Variants in NFASC observed in about 807,000 individuals in gnomAD.
NFASC encodes the protein neurofascin.
Under a neutral mutation model 147.5 loss-of-function variants are expected in NFASC, and 43 were observed. That is an observed-to-expected ratio of 0.29 (90% CI 0.23 to 0.38). The LOEUF is 0.38. NFASC is among the 10% of genes least tolerant of loss of function. NFASC has a pLI of 1.00. For synonymous variants in NFASC, 622 were observed against 665.5 expected (o/e 0.93, Z 1.01); for missense variants, 1,320 against 1,689.0 (o/e 0.78, Z 3.83).
In NFASC at chr1:204,927,676, C is replaced by G. The variant is rs147964682; in HGVS notation, c.-91+6936C>G. On this transcript the variant is annotated intron_variant, in intron 2 of 29. Transcript: ENST00000339876. ...ATCTTGGGTCCCCACCCTTAGGGACCTGTCACACAAGATTATCACTCCCCA... is the reference window on the plus strand; with the variant it reads ...ATCTTGGGTCCCCACCCTTAGGGACGTGTCACACAAGATTATCACTCCCCA... Among the ~76,000 whole-genome samples, 1,511 of 152,250 alleles carry G rather than the reference C, an allele frequency of 9.9e-3. 16 individuals are homozygous for G. The highest frequency in any genetic ancestry group is 0.012 in the Non-Finnish European group (797 of 68,020).
chr1:204,837,224 TA>T (rs1674028759), intron 1 of NFASC, among the ~76,000 whole-genome samples: 1 of 151,356 alleles, frequency 6.6e-6, no homozygotes, highest in African/African-American at 2.4e-5. Context: ...CAGTGTAGAT[TA>T]AAGTCTTTGG....
rs12097315 is a variant in NFASC at position 205,015,439 on chromosome 1, C to T, written c.3492-869C>T. Reference sequence around the variant, plus strand: ...CAAGGGAAGGGACATGGTGCCTGAACAGACGCTGGCTCAGAGAGCAGCCCC... The same window carrying T: ...CAAGGGAAGGGACATGGTGCCTGAATAGACGCTGGCTCAGAGAGCAGCCCC... On this transcript the variant is annotated intron_variant, in intron 29 of 29. Coordinates refer to ENST00000339876, the MANE Select transcript of NFASC (RefSeq NM_001005388.3). This position sits in a 1 kb window ranked among gnomAD's most constrained non-coding sequence, Gnocchi z 4.0. Among the ~76,000 whole-genome samples the T allele has an allele frequency of 0.11, 16,190 of 152,250 alleles. 1,258 individuals are homozygous for T. The highest frequency in any genetic ancestry group is 0.23 in the African/African-American group (9,433 of 41,526).
chr1:204,831,977 C>T (rs1337094104), intron 1 of NFASC, among the ~76,000 whole-genome samples: 1 of 152,174 alleles, frequency 6.6e-6, no homozygotes, highest in Non-Finnish European at 1.5e-5. Context: ...GTGGTATCAG[C>T]ACCCTGCTCT....
intron 1 of NFASC, among the ~76,000 whole-genome samples, chr1:204,849,600 G>T (rs2075492025): frequency 6.6e-6 from 1 of 152,192 alleles, no homozygotes. Flanking sequence ...CATTTTGCAA[G>T]TGGGGGCCTG....
intron 2 of NFASC, among the ~76,000 whole-genome samples, chr1:204,929,990 T>C (rs1398254761): frequency 1.3e-5 from 2 of 152,064 alleles, no homozygotes; most frequent in Non-Finnish European, 2.9e-5. Context: ...GCCATGGGGA[T>C]CAGAGGGCAG....
At chr1:204,989,427 CAG>C (rs1039425883) in intron 23 of NFASC, 2 of 153,412 alleles carry the variant, frequency 1.3e-5, no homozygotes, top group African/African-American at 4.8e-5. Flanking sequence ...CACCTGGGTC[CAG>C]GCGTCATCTG....
intron 10 of NFASC, 65 bp downstream of exon 10, chr1:204,969,047 C>G: frequency 6.9e-7 from 1 of 1,449,168 alleles, no homozygotes; most frequent in Non-Finnish European, 9.5e-7. Flanking sequence ...CCACCCTTCC[C>G]TCTGAGGGTG....
At chr1:204,832,748 C>T (rs1326057631) in intron 1 of NFASC, among the ~76,000 whole-genome samples, 1 of 152,140 alleles carries the variant, frequency 6.6e-6, no homozygotes, top group African/African-American at 2.4e-5. Flanking sequence ...GAAATGAAAC[C>T]AAATTAAGAC....
chr1:204,866,748 T>C (rs1455057131), intron 1 of NFASC, among the ~76,000 whole-genome samples: 1 of 152,206 alleles, frequency 6.6e-6, no homozygotes. Context: ...TCCCTGACTA[T>C]AAGTTTTTCA....
chr1:204,942,647 A>C (rs753007555), intron 2 of NFASC, among the ~76,000 whole-genome samples: 6 of 134,084 alleles, frequency 4.5e-5, no homozygotes, highest in Non-Finnish European at 9.0e-5. Context: ...AGTAAAAAAC[A>C]AACCACAGGG....
At chr1:204,868,060 G>A (rs1203649472) in intron 1 of NFASC, among the ~76,000 whole-genome samples, 1 of 152,260 alleles carries the variant, frequency 6.6e-6, no homozygotes, top group Non-Finnish European at 1.5e-5. Flanking sequence ...GTGGTGACAA[G>A]TTTCCCGTTG....
intron 2 of NFASC, among the ~76,000 whole-genome samples, chr1:204,931,633 T>A (rs1444457068): frequency 6.6e-6 from 1 of 152,250 alleles, no homozygotes; most frequent in Non-Finnish European, 1.5e-5. Context: ...CTAACTCATG[T>A]GCACAACCTT....
intron 1 of NFASC, among the ~76,000 whole-genome samples, chr1:204,919,248 C>G (rs1218323224): frequency 6.6e-6 from 1 of 152,188 alleles, no homozygotes; most frequent in Non-Finnish European, 1.5e-5. Context: ...TAGTCTCAAA[C>G]TCCTGAGCTC....
Position 205,003,893 on chromosome 1 carries a change from G to A in NFASC, c.3289+1145G>A, listed in dbSNP as rs995051248. Among the ~76,000 whole-genome samples the A allele has an allele frequency of 4.6e-5, 7 of 152,060 alleles. No homozygotes were observed. The East Asian group carries it at 7.7e-4, about 17-fold the overall frequency. On this transcript the variant is annotated intron_variant, in intron 27 of 29. Transcript: ENST00000339876. ...GCATCCTGTCTTCCTCCGTGTCTCC[G>A]CCTGTCCTGCACATTTGCATGCCAT... is the stretch of plus-strand genomic sequence containing the variant.
intron 1 of NFASC, among the ~76,000 whole-genome samples, chr1:204,899,630 G>A (rs541758177): frequency 1.3e-5 from 2 of 152,300 alleles, no homozygotes; most frequent in South Asian, 2.1e-4. Flanking sequence ...CCTGGCAGCC[G>A]TGACTGCTGA....
At chr1:204,984,160 G>A (rs753892725) in intron 21 of NFASC, 8 of 1,561,912 alleles carry the variant, frequency 5.1e-6, no homozygotes, top group East Asian at 2.2e-5. Flanking sequence ...AGCCAGCTCC[G>A]GACTCACCTA....
chr1:204,982,883 A>G (rs1275477356), intron 21 of NFASC, among the ~76,000 whole-genome samples: 1 of 152,214 alleles, frequency 6.6e-6, no homozygotes, highest in East Asian at 1.9e-4. Flanking sequence ...AGCAGTCAAG[A>G]GTACGGCCAG....
Position 204,851,326 on chromosome 1 carries a change from C to CT in NFASC, c.-200+22560dup, listed in dbSNP as rs59834352. Reference sequence around the variant, plus strand: ...AAATGTGTTAACAAATCATGCTTTTCTTTTTTTTTTTTTTTTCTTTTTTTG... The same window carrying CT: ...AAATGTGTTAACAAATCATGCTTTTCTTTTTTTTTTTTTTTTTCTTTTTTTG... On this transcript the variant is annotated intron_variant, in intron 1 of 29. Transcript: ENST00000339876. 6.0e-3 allele frequency among the ~76,000 whole-genome samples: 816 copies of CT among 136,272 alleles called. 3 individuals carry two copies. Among genetic ancestry groups the CT allele is most frequent in the Middle Eastern group, 7.3e-3 (2 of 274 alleles). The allele number at this position is 136,272 out of a possible 152,430, so 89.4% of individuals were successfully genotyped here.
intron 1 of NFASC, among the ~76,000 whole-genome samples, chr1:204,919,690 G>A (rs745384511): frequency 2.6e-5 from 4 of 151,838 alleles, no homozygotes; most frequent in Non-Finnish European, 4.4e-5. Flanking sequence ...GTGCAGTTGC[G>A]CAATCTTGGC....
Sources: gnomAD v4.1 joint callset for allele counts (sites outside exome capture counted in the v4.1 genomes callset) on GRCh38, gnomAD v4.1.1 for gene constraint, Gnocchi (gnomAD v3.1) non-coding constraint, MANE v1.5 for transcripts, NCBI Gene and HGNC (gene_info 2026-07-23, HGNC 2026-07-21) for gene names.